Variants in DCLK1 observed in about 807,000 individuals in gnomAD.
DCLK1 encodes the protein doublecortin like kinase 1, also known as serine/threonine-protein kinase DCLK1.
In DCLK1, 16 loss-of-function variants were observed where a neutral mutation model predicts 86.2. That is an observed-to-expected ratio of 0.19 (90% CI 0.13 to 0.28). The LOEUF is 0.28. DCLK1 is among the 10% of genes least tolerant of loss of function. DCLK1 has a pLI of 1.00. For missense variants in DCLK1, 590 were observed against 940.2 expected, an observed-to-expected ratio of 0.63 and a Z score of 4.87; for synonymous variants, 369 against 370.5, an observed-to-expected ratio of 1.00 and a Z score of 0.05.
intron 4 of DCLK1, among the ~76,000 whole-genome samples, chr13:35,872,944 G>C (rs1007827192): frequency 7.9e-5 from 12 of 151,990 alleles, no homozygotes; most frequent in Non-Finnish European, 2.9e-5. Flanking sequence ...TCAACCCATA[G>C]CAATCAAAAC....
chr13:35,807,808 C>G (rs989750935), intron 14 of DCLK1, among the ~76,000 whole-genome samples: 1 of 152,098 alleles, frequency 6.6e-6, no homozygotes, highest in African/African-American at 2.4e-5. Context: ...ATACAGCAAG[C>G]CAGGTAAGGT....
rs139289124 is a variant in DCLK1 at position 35,991,566 on chromosome 13, A to C, written c.724-44109T>G. On this transcript the variant is annotated intron_variant, in intron 3 of 16. Coordinates refer to ENST00000360631, the MANE Select transcript of DCLK1 (RefSeq NM_001330071.2). Reference sequence around the variant, plus strand: ...GCATGCCCAGTTACTTGAGAGGCTGAGCTGGGAGGATCACTTGAGCCTAAG... The same window carrying C: ...GCATGCCCAGTTACTTGAGAGGCTGCGCTGGGAGGATCACTTGAGCCTAAG... Among the ~76,000 whole-genome samples, 22 of 152,164 alleles carry C rather than the reference A, an allele frequency of 1.4e-4. No individual in the cohort carries two copies. The East Asian group carries it at 4.1e-3, about 28-fold the overall frequency.
chr13:36,126,217 A>G (rs74044530), intron 1 of DCLK1, 61 bp from the exon 2 acceptor site: 2 of 1,196,836 alleles, frequency 1.7e-6, no homozygotes, highest in Middle Eastern at 2.8e-4. Context: ...ATATATATAT[A>G]TTTTTTTGTT....
intron 5 of DCLK1, among the ~76,000 whole-genome samples, chr13:35,867,945 GAAAGAAAGAAAGAAAGAA>G (rs1871956424): frequency 7.1e-6 from 1 of 140,670 alleles, no homozygotes; most frequent in African/African-American, 2.8e-5. Context: ...AAGAAAGAAA[GAAAGAAAGAAAGAAAGAA>G]AGAGAAAAAG....
chr13:35,914,486 G>A (rs925128451), intron 4 of DCLK1, among the ~76,000 whole-genome samples: 37 of 150,542 alleles, frequency 2.5e-4, no homozygotes, highest in African/African-American at 4.6e-4. Flanking sequence ...GAAGGCCAAC[G>A]TGGGTAGATC....
At chr13:35,789,171 G>T (rs1259801336) in intron 16 of DCLK1, among the ~76,000 whole-genome samples, 1 of 152,120 alleles carries the variant, frequency 6.6e-6, no homozygotes, top group Non-Finnish European at 1.5e-5. Flanking sequence ...GCCCACGAGA[G>T]GATGCGACTT....
At chr13:35,813,788 A>G (rs2087205387) in intron 11 of DCLK1, among the ~76,000 whole-genome samples, 1 of 150,674 alleles carries the variant, frequency 6.6e-6, no homozygotes, top group South Asian at 2.1e-4. Context: ...GTGAACATAA[A>G]GAGGTTCAAG....
At chr13:36,011,578 T>C (rs1358048149) in intron 3 of DCLK1, among the ~76,000 whole-genome samples, 2 of 150,640 alleles carry the variant, frequency 1.3e-5, no homozygotes, top group African/African-American at 4.9e-5. Context: ...TTGATTGCAC[T>C]GTGGTCTGAG....
intron 4 of DCLK1, among the ~76,000 whole-genome samples, chr13:35,936,115 A>C (rs1430860082): frequency 2.0e-5 from 3 of 152,248 alleles, no homozygotes; most frequent in Non-Finnish European, 4.4e-5. Context: ...AGACCAAGAC[A>C]GCAAGACACT....
intron 6 of DCLK1, among the ~76,000 whole-genome samples, chr13:35,844,340 G>A (rs1870025825): frequency 6.6e-6 from 1 of 152,210 alleles, no homozygotes; most frequent in South Asian, 2.1e-4. Flanking sequence ...GGCTATGTTA[G>A]TGAAACCACG....
In DCLK1 at chr13:35,986,300, CAAAAAAAAAAAAA is replaced by C. The variant is rs60156251; in HGVS notation, c.724-38856_724-38844del. 1.8e-4 allele frequency among the ~76,000 whole-genome samples: 8 copies of C among 44,416 alleles called. No individual in the cohort carries two copies. The East Asian group carries it at 3.4e-3, about 19-fold the overall frequency. 29.1% of individuals were successfully genotyped at this position (44,416 alleles called of 152,430 possible). A position where few individuals can be genotyped will look rare whatever the true frequency, so the allele number is the denominator to read the frequency against. ...CTGGGTGACAGAGTGGACTCCGTCTCAAAAAAAAAAAAAAAAAAAAAAAAAAAAGGCCAATGAA... is the reference window on the plus strand; with the variant it reads ...CTGGGTGACAGAGTGGACTCCGTCTCAAAAAAAAAAAAAAAGGCCAATGAA... On this transcript the variant is annotated intron_variant, in intron 3 of 16. Coordinates refer to ENST00000360631, the MANE Select transcript of DCLK1 (RefSeq NM_001330071.2).
chr13:36,112,211 C>G lies in DCLK1; in HGVS notation c.381G>C (p.Glu127Asp). Residue 127 changes from glutamate (E) to aspartate (D), a missense_variant, in exon 3 of 17, where the codon GAG becomes GAC. This residue lies in a region of DCLK1 where 195 missense variants were observed against 365.1 expected (regional missense o/e 0.53). Coordinates refer to ENST00000360631, the MANE Select transcript of DCLK1 (RefSeq NM_001330071.2). Reference protein sequence around the residue: ...ISSLDQLVEGESYVCGSIEPF... With the variant: ...ISSLDQLVEGDSYVCGSIEPF... ...GCTCTATGGAGCCACATACATAACT[C>G]TCTCCTAAGGAAGAGAGAAATATAT... The G allele has an allele frequency of 6.4e-7, 1 of 1,573,612 alleles. No individual in the cohort carries two copies. Among genetic ancestry groups the G allele is most frequent in the Middle Eastern group, 1.8e-4 (1 of 5,536 alleles).
At chr13:36,016,369 A>G (rs1566647075) in intron 3 of DCLK1, among the ~76,000 whole-genome samples, 1 of 152,166 alleles carries the variant, frequency 6.6e-6, no homozygotes, top group African/African-American at 2.4e-5. Context: ...ATATGAGTGA[A>G]CTATTAATGA....
At chr13:35,941,259 T>C (rs1877065191) in intron 4 of DCLK1, among the ~76,000 whole-genome samples, 1 of 152,202 alleles carries the variant, frequency 6.6e-6, no homozygotes, top group African/African-American at 2.4e-5. Context: ...TCTAGCCCTA[T>C]TTTCTTATCA....
intron 6 of DCLK1, among the ~76,000 whole-genome samples, chr13:35,840,502 G>C (rs1489841677): frequency 1.3e-5 from 2 of 152,170 alleles, no homozygotes; most frequent in African/African-American, 2.4e-5. Flanking sequence ...TAAAGTAATA[G>C]CAATAGTACA....
At chr13:35,905,591 C>T (rs1566595937) in intron 4 of DCLK1, among the ~76,000 whole-genome samples, 3 of 152,200 alleles carry the variant, frequency 2.0e-5, no homozygotes, top group Non-Finnish European at 4.4e-5. Context: ...TCAAATCAAC[C>T]CCGAGGGCCA....
chr13:35,976,386 C>G (rs1879331555), intron 3 of DCLK1, among the ~76,000 whole-genome samples: 1 of 152,034 alleles, frequency 6.6e-6, no homozygotes, highest in African/African-American at 2.4e-5. Flanking sequence ...TCACCGTCTC[C>G]TCCCTAACAG....
At chr13:35,847,126 A>G in intron 6 of DCLK1, 3 of 962,442 alleles carry the variant, frequency 3.1e-6, no homozygotes, top group Non-Finnish European at 3.7e-6. Context: ...ATAATTGAAA[A>G]CAAAGATATA....
intron 15 of DCLK1, among the ~76,000 whole-genome samples, chr13:35,803,711 G>A (rs1332958846): frequency 1.3e-5 from 2 of 152,142 alleles, no homozygotes; most frequent in African/African-American, 4.8e-5. Context: ...AGCTTTTGTT[G>A]TTTTGGAAAA....
Sources: allele counts gnomAD v4.1 joint callset (sites outside exome capture counted in the v4.1 genomes callset), GRCh38; gene constraint gnomAD v4.1.1; regional missense constraint gnomAD v4.1.1; transcripts MANE v1.5; gene names NCBI Gene and HGNC (gene_info 2026-07-23, HGNC 2026-07-21).